SGMS1: variants seen among roughly 807,000 people sequenced by gnomAD.
SGMS1 encodes sphingomyelin synthase 1, also known as phosphatidylcholine:ceramide cholinephosphotransferase 1.
Under a neutral mutation model 46.2 loss-of-function variants are expected in SGMS1, and 13 were observed. The observed-to-expected ratio is 0.28, with a 90% CI of 0.18 to 0.45. The LOEUF is 0.45. Among genes scored for constraint, SGMS1 ranks in the 20% least tolerant of loss-of-function variants. The probability of loss-of-function intolerance (pLI) is 1.00; values close to 1 mark genes in which losing one functional copy is unlikely to be tolerated. For synonymous variants in SGMS1, 203 were observed against 187.8 expected, an observed-to-expected ratio of 1.08 and a Z score of -0.66; for missense variants, 324 against 519.9, an observed-to-expected ratio of 0.62 and a Z score of 3.66.
intron 8 of SGMS1, among the ~76,000 whole-genome samples, chr10:50,316,833 A>C (rs973376822): frequency 6.6e-6 from 1 of 152,164 alleles, no homozygotes; most frequent in African/African-American, 2.4e-5. Context: ...CAACTGAGAA[A>C]CACACCTTAC....
At chr10:50,524,176 C>A (rs1837879471) in intron 2 of SGMS1, among the ~76,000 whole-genome samples, 1 of 152,166 alleles carries the variant, frequency 6.6e-6, no homozygotes, top group Admixed American at 6.5e-5. Context: ...TCCTAATATT[C>A]TTGGGGCTCT....
At chr10:50,447,377 A>C (rs1370008679) in intron 5 of SGMS1, among the ~76,000 whole-genome samples, 1 of 152,158 alleles carries the variant, frequency 6.6e-6, no homozygotes, top group Non-Finnish European at 1.5e-5. Flanking sequence ...CTTAAAGTAT[A>C]AATAAGTGTT....
At chr10:50,386,876 C>CATT (rs1848691354) in intron 6 of SGMS1, among the ~76,000 whole-genome samples, 1 of 152,096 alleles carries the variant, frequency 6.6e-6, no homozygotes, top group Non-Finnish European at 1.5e-5. Flanking sequence ...ATGACCCGAG[C>CATT]TTTTTAAAAG....
chr10:50,365,379 A>T (rs976008707), intron 6 of SGMS1, among the ~76,000 whole-genome samples: 20 of 152,054 alleles, frequency 1.3e-4, no homozygotes, highest in African/African-American at 4.8e-4. Flanking sequence ...TTCTTGATTA[A>T]TATAACATAT....
chr10:50,402,166 G>A (rs58882544), intron 6 of SGMS1, among the ~76,000 whole-genome samples: 8 of 152,266 alleles, frequency 5.3e-5, no homozygotes, highest in East Asian at 1.9e-4. Context: ...GCATCAGTCC[G>A]CATTGAAATG....
intron 6 of SGMS1, among the ~76,000 whole-genome samples, chr10:50,426,986 C>T (rs932286351): frequency 2.9e-4 from 44 of 152,252 alleles, no homozygotes; most frequent in African/African-American, 7.9e-4. Context: ...GAACCACTAA[C>T]TTGAAGGGAA....
chr10:50,481,913 A>G (rs1473065284), intron 3 of SGMS1, among the ~76,000 whole-genome samples: 1 of 152,252 alleles, frequency 6.6e-6, no homozygotes, highest in African/African-American at 2.4e-5. Context: ...GACCAGCAGA[A>G]GAAACAATGT....
rs879826990 is a variant in SGMS1, at chr10:50,539,328, T to C, written c.-588-19407A>G. Among the ~76,000 whole-genome samples the C allele has an allele frequency of 5.9e-5, 9 of 152,366 alleles. 1 individual carries two copies. The South Asian group carries it at 8.3e-4, about 14-fold the overall frequency. On this transcript the variant is annotated intron_variant, in intron 2 of 10. Transcript: ENST00000361781. Reference sequence around the variant, plus strand: ...CCCTTGTTGATCCTCTGTGCTCCAGTTGAATAAGGTCATAGACTGTTTTCA... The same window carrying C: ...CCCTTGTTGATCCTCTGTGCTCCAGCTGAATAAGGTCATAGACTGTTTTCA...
chr10:50,558,128 A>G (rs1486907994), intron 2 of SGMS1, among the ~76,000 whole-genome samples: 1 of 152,208 alleles, frequency 6.6e-6, no homozygotes, highest in Non-Finnish European at 1.5e-5. Flanking sequence ...GGCAGAGCCA[A>G]AAGCAAACCA....
At chr10:50,594,483 ATG>A (rs1156580769) in intron 1 of SGMS1, among the ~76,000 whole-genome samples, 2 of 152,226 alleles carry the variant, frequency 1.3e-5, no homozygotes, top group Non-Finnish European at 2.9e-5. Context: ...TGGAATATCT[ATG>A]TGTGTTTTTT....
At chr10:50,459,171 A>G (rs1401247450) in intron 5 of SGMS1, among the ~76,000 whole-genome samples, 1 of 152,218 alleles carries the variant, frequency 6.6e-6, no homozygotes, top group Non-Finnish European at 1.5e-5. Context: ...TAATCAACTC[A>G]GAAAACAGAA....
At position 50,617,707 on chromosome 10, in the gene SGMS1, G is replaced by A. The variant is rs145282751; in HGVS notation, c.-684+6000C>T. 7.1e-4 allele frequency among the ~76,000 whole-genome samples: 106 copies of A among 149,168 alleles called. No homozygotes were observed. In the East Asian group the frequency reaches 0.02, roughly 28 times the overall value. On this transcript the variant is annotated intron_variant, in intron 1 of 10. Coordinates refer to ENST00000361781, the MANE Select transcript of SGMS1 (RefSeq NM_147156.4). ...AGCAATCCTCCCACCTCAGTCTCCC[G>A]AGTAGCTAGGACTATACCAATTAGC... is the stretch of plus-strand genomic sequence containing the variant.
In SGMS1 at chr10:50,332,243, C is replaced by T. The variant is rs192243512; in HGVS notation, c.624-4921G>A. Among the ~76,000 whole-genome samples the T allele has an allele frequency of 1.1e-4, 17 of 152,242 alleles. No individual in the cohort carries two copies. In the East Asian group the frequency reaches 2.3e-3, roughly 21 times the overall value. Reference sequence around the variant, plus strand: ...CTTGGGGCTCTTTGAACACAGCTTGCGAAGTCCCTCCTGCCTTGAGTAGGA... The same window carrying T: ...CTTGGGGCTCTTTGAACACAGCTTGTGAAGTCCCTCCTGCCTTGAGTAGGA... On this transcript the variant is annotated intron_variant, in intron 7 of 10. Transcript: ENST00000361781.
At chr10:50,597,944 G>A (rs559552382) in intron 1 of SGMS1, among the ~76,000 whole-genome samples, 99 of 151,546 alleles carry the variant, frequency 6.5e-4, no homozygotes, top group African/African-American at 2.1e-3. Context: ...CCCAGGAAGC[G>A]GAGGTTGCAG....
intron 6 of SGMS1, among the ~76,000 whole-genome samples, chr10:50,418,790 A>C (rs74610323): frequency 0.034 from 5,205 of 152,276 alleles, 308 homozygotes; most frequent in African/African-American, 0.12. Flanking sequence ...CAGACCTCTG[A>C]CACTGTGTGG....
At chr10:50,395,109 C>A (rs1848829835) in intron 6 of SGMS1, among the ~76,000 whole-genome samples, 1 of 152,164 alleles carries the variant, frequency 6.6e-6, no homozygotes, top group South Asian at 2.1e-4. Flanking sequence ...GGTGATAAAT[C>A]AATTTCCTGC....
At chr10:50,515,256 A>T (rs138011533) in intron 3 of SGMS1, among the ~76,000 whole-genome samples, 1 of 152,314 alleles carries the variant, frequency 6.6e-6, no homozygotes, top group Non-Finnish European at 1.5e-5. Context: ...GAGCCTGGTC[A>T]CTTGTCTTGA....
intron 2 of SGMS1, among the ~76,000 whole-genome samples, chr10:50,565,109 G>T (rs1838276613): frequency 6.6e-6 from 1 of 151,998 alleles, no homozygotes; most frequent in Non-Finnish European, 1.5e-5. Context: ...GCTTTCCTTT[G>T]TCAGTTTTTT....
At chr10:50,336,188 C>T (rs1385528190) in intron 7 of SGMS1, 1 of 152,112 alleles carries the variant, frequency 6.6e-6, no homozygotes, top group Non-Finnish European at 1.5e-5. Context: ...GCTAGGAGAT[C>T]CAGATGATCT....
Sources: allele counts gnomAD v4.1 joint callset (sites outside exome capture counted in the v4.1 genomes callset), GRCh38; gene constraint gnomAD v4.1.1; transcripts MANE v1.5; gene names NCBI Gene and HGNC (gene_info 2026-07-23, HGNC 2026-07-21).